Variants in ARHGAP6 observed in about 807,000 individuals in gnomAD.
ARHGAP6 encodes the protein rho GTPase-activating protein 6.
A neutral mutation model predicts 55.7 loss-of-function variants in ARHGAP6; 16 were observed. That is an observed-to-expected ratio of 0.29 (90% CI 0.19 to 0.44). The LOEUF (loss-of-function observed/expected upper bound fraction) is 0.44. ARHGAP6 is among the 20% of genes least tolerant of loss of function. The pLI, the probability that ARHGAP6 is intolerant of heterozygous loss-of-function variation, is 1.00. For missense variants in ARHGAP6, 698 were observed against 808.9 expected, an observed-to-expected ratio of 0.86 and a Z score of 1.66; for synonymous variants, 382 against 360.9, an observed-to-expected ratio of 1.06 and a Z score of -0.66.
At chrX:11,262,938 G>A (rs1003079152) in intron 1 of ARHGAP6, among the ~76,000 whole-genome samples, 1 of 110,952 alleles carries the variant, frequency 9.0e-6, no homozygotes, top group Admixed American at 9.6e-5. Flanking sequence ...TGAATTTCTT[G>A]TGGAAGGCTT....
At chrX:11,153,070 T>C (rs2045808006) in intron 10 of ARHGAP6, among the ~76,000 whole-genome samples, 1 of 111,774 alleles carries the variant, frequency 8.9e-6, no homozygotes, top group Non-Finnish European at 1.9e-5. Context: ...GAATATACTT[T>C]GATATTTTAA....
chrX:11,663,468 A>G (rs1401937201), intron 1 of ARHGAP6, among the ~76,000 whole-genome samples: 1 of 112,212 alleles, frequency 8.9e-6, no homozygotes, highest in East Asian at 2.8e-4. Context: ...CAAAGCGCCC[A>G]TCAGTGACAG....
intron 1 of ARHGAP6, among the ~76,000 whole-genome samples, chrX:11,362,502 T>C (rs1038679780): frequency 6.4e-5 from 7 of 109,000 alleles, no homozygotes; most frequent in African/African-American, 2.3e-4. Context: ...CTGGGGACTG[T>C]TGTGGGGTGG....
intron 1 of ARHGAP6, among the ~76,000 whole-genome samples, chrX:11,538,849 G>GGTT (rs2051129064): frequency 3.5e-5 from 3 of 86,219 alleles, no homozygotes; most frequent in African/African-American, 1.3e-4. Flanking sequence ...TGTGTGTGTG[G>GGTT]TTTTTTTTTT....
intron 1 of ARHGAP6, among the ~76,000 whole-genome samples, chrX:11,259,234 T>C (rs1356888163): frequency 8.9e-6 from 1 of 111,983 alleles, no homozygotes; most frequent in African/African-American, 3.2e-5. Context: ...GGTAAGAACA[T>C]GCGATGTTTG....
At chrX:11,270,175 A>G (rs1416452874) in intron 1 of ARHGAP6, among the ~76,000 whole-genome samples, 2 of 112,199 alleles carry the variant, frequency 1.8e-5, no homozygotes, top group Non-Finnish European at 3.8e-5. Flanking sequence ...TTGGCACTCA[A>G]ACCCAGGCAG....
chrX:11,616,318 C>A (rs66698662), intron 1 of ARHGAP6, among the ~76,000 whole-genome samples: 13,899 of 109,965 alleles, frequency 0.13, 817 homozygotes, highest in Middle Eastern at 0.24. Context: ...GCCAAATAAA[C>A]CTCTTTTTTC....
chrX:11,625,016 G>A (rs765375321), intron 1 of ARHGAP6, among the ~76,000 whole-genome samples: 4 of 111,882 alleles, frequency 3.6e-5, no homozygotes, highest in African/African-American at 9.7e-5. Context: ...TAACAAATGC[G>A]GATGGAATGT....
At chrX:11,357,254 A>G (rs1022521856) in intron 1 of ARHGAP6, among the ~76,000 whole-genome samples, 5 of 111,640 alleles carry the variant, frequency 4.5e-5, no homozygotes, top group Admixed American at 1.9e-4. Flanking sequence ...TTGGGAAGTC[A>G]TTTTCCTTTA....
intron 1 of ARHGAP6, among the ~76,000 whole-genome samples, chrX:11,281,323 C>T (rs1470195954): frequency 9.0e-6 from 1 of 111,127 alleles, no homozygotes; most frequent in Non-Finnish European, 1.9e-5. Flanking sequence ...GATGGTTCTC[C>T]ATCTGGCACA....
At chrX:11,573,393 C>T (rs1413749105) in intron 1 of ARHGAP6, among the ~76,000 whole-genome samples, 4 of 110,492 alleles carry the variant, frequency 3.6e-5, no homozygotes, top group South Asian at 3.9e-4. Context: ...CAGTTTCAGC[C>T]TTCTACATAT....
At chrX:11,604,416 C>T (rs897377593) in intron 1 of ARHGAP6, among the ~76,000 whole-genome samples, 1 of 111,781 alleles carries the variant, frequency 8.9e-6, no homozygotes, top group Admixed American at 9.5e-5. Flanking sequence ...TGGGAAACTG[C>T]CACATAGTGG....
intron 12 of ARHGAP6, among the ~76,000 whole-genome samples, chrX:11,140,033 T>C (rs1375132734): frequency 9.0e-6 from 1 of 110,895 alleles, no homozygotes; most frequent in African/African-American, 3.3e-5. Flanking sequence ...TCTCCTACCA[T>C]CAATGCAGGA....
chrX:11,336,748 T>C (rs774169925), intron 1 of ARHGAP6, among the ~76,000 whole-genome samples: 2 of 111,813 alleles, frequency 1.8e-5, no homozygotes, highest in Admixed American at 9.5e-5. Context: ...GGAAAGAATT[T>C]GGGAGTGCTC....
chrX:11,165,491 TTA>T (rs1439443252), intron 9 of ARHGAP6, among the ~76,000 whole-genome samples: 1 of 111,787 alleles, frequency 8.9e-6, no homozygotes, highest in East Asian at 2.8e-4. Context: ...AGCAGGCACC[TTA>T]TCCCTTTAAT....
chrX:11,557,138 T>C (rs1000508861), intron 1 of ARHGAP6, among the ~76,000 whole-genome samples: 2 of 112,525 alleles, frequency 1.8e-5, no homozygotes, highest in Non-Finnish European at 3.8e-5. Flanking sequence ...TCACGTTTGA[T>C]GCTTTGCTCT....
intron 1 of ARHGAP6, among the ~76,000 whole-genome samples, chrX:11,574,733 A>G (rs1349161636): frequency 9.3e-6 from 1 of 107,638 alleles, no homozygotes; most frequent in East Asian, 2.9e-4. Context: ...CAGGGCAATT[A>G]GGCAGGAGAA....
intron 2 of ARHGAP6, among the ~76,000 whole-genome samples, chrX:11,237,561 T>C (rs967975270): frequency 2.7e-5 from 3 of 111,447 alleles, no homozygotes; most frequent in African/African-American, 9.8e-5. Context: ...CCTCAGAGTT[T>C]GTGAACCTAC....
At chrX:11,473,012 T>A (rs2050363549) in intron 1 of ARHGAP6, among the ~76,000 whole-genome samples, 1 of 111,084 alleles carries the variant, frequency 9.0e-6, no homozygotes, top group Non-Finnish European at 1.9e-5. Context: ...CCTAGTCAGC[T>A]CCATGGCCAG....
Sources: gnomAD v4.1 joint callset for allele counts (sites outside exome capture counted in the v4.1 genomes callset) on GRCh38, gnomAD v4.1.1 for gene constraint, MANE v1.5 for transcripts, NCBI Gene and HGNC (gene_info 2026-07-23, HGNC 2026-07-21) for gene names.